The following CSMD1 variants were observed in gnomAD, a reference collection of about 807,000 sequenced individuals.
CSMD1 encodes CUB and Sushi multiple domains 1, also known as CUB and sushi domain-containing protein 1.
Under a neutral mutation model 417.5 loss-of-function variants are expected in CSMD1, and 213 were observed. The ratio of observed to expected loss-of-function variants is 0.51; its 90% CI spans 0.46 to 0.57. The LOEUF (loss-of-function observed/expected upper bound fraction) is 0.57, where lower values mean the gene tolerates loss of function less well. Among genes scored for constraint, CSMD1 ranks in the 20% least tolerant of loss-of-function variants. The pLI, the probability that CSMD1 is intolerant of heterozygous loss-of-function variation, is 0.00. For missense variants in CSMD1, 6,923 were observed against 4,529.7 expected (o/e 1.53, Z -15.17); for synonymous variants, 2,862 against 1,736.8 (o/e 1.65, Z -16.11).
rs183725039 is a variant in CSMD1, at chr8:3,900,992, T to C, written c.818+96911A>G. ...CCTGAAACTTTATGATTTTTCATTATTGCTAGCTGTCATAGTGTTATCATT... is the reference window on the plus strand; with the variant it reads ...CCTGAAACTTTATGATTTTTCATTACTGCTAGCTGTCATAGTGTTATCATT... On this transcript the variant is annotated intron_variant, in intron 5 of 69. Coordinates refer to ENST00000635120, the MANE Select transcript of CSMD1 (RefSeq NM_033225.6). Among the ~76,000 whole-genome samples the C allele has an allele frequency of 2.3e-4, 35 of 152,368 alleles. No individual in the cohort carries two copies. In the East Asian group the frequency reaches 6.4e-3, roughly 28 times the overall value.
chr8:3,900,766 C>G (rs1807693912), intron 5 of CSMD1, among the ~76,000 whole-genome samples: 1 of 151,692 alleles, frequency 6.6e-6, no homozygotes, highest in Middle Eastern at 3.4e-3. Context: ...GACAGTACAG[C>G]TGGGTGACAC....
At chr8:4,052,317 G>A (rs1000306186) in intron 3 of CSMD1, among the ~76,000 whole-genome samples, 2 of 152,200 alleles carry the variant, frequency 1.3e-5, no homozygotes. Flanking sequence ...CATTTAATGC[G>A]TAATTATCAT....
intron 3 of CSMD1, among the ~76,000 whole-genome samples, chr8:4,216,647 T>C (rs1800689299): frequency 2.0e-5 from 3 of 152,152 alleles, no homozygotes; most frequent in South Asian, 4.1e-4. Context: ...CCCTGTGTTC[T>C]TTCGTAAATG....
chr8:4,469,003 A>T (rs1462097799), intron 2 of CSMD1, among the ~76,000 whole-genome samples: 2 of 149,868 alleles, frequency 1.3e-5, no homozygotes, highest in Non-Finnish European at 2.9e-5. Flanking sequence ...CAGAGACTCT[A>T]AAAGGAAAAA....
At chr8:4,157,744 C>G (rs992135293) in intron 3 of CSMD1, among the ~76,000 whole-genome samples, 1 of 152,196 alleles carries the variant, frequency 6.6e-6, no homozygotes, top group African/African-American at 2.4e-5. Flanking sequence ...TCCTAGGAGT[C>G]AGGGCCAGGG....
intron 1 of CSMD1, among the ~76,000 whole-genome samples, chr8:4,695,866 C>A (rs933489040): frequency 6.6e-6 from 1 of 152,150 alleles, no homozygotes; most frequent in Non-Finnish European, 1.5e-5. Context: ...GGTGGCCCAC[C>A]ACTCTTTTGA....
chr8:3,848,292 T>C (rs1445712065), intron 5 of CSMD1, among the ~76,000 whole-genome samples: 1 of 152,200 alleles, frequency 6.6e-6, no homozygotes, highest in Non-Finnish European at 1.5e-5. Context: ...GAGCTCATTC[T>C]ACTGCGATCC....
chr8:4,450,115 C>G (rs1033635033), intron 2 of CSMD1, among the ~76,000 whole-genome samples: 3 of 152,172 alleles, frequency 2.0e-5, no homozygotes, highest in African/African-American at 7.2e-5. Flanking sequence ...TGTACACCAG[C>G]ACTTCTTTGT....
In CSMD1 at chr8:4,727,653, C is replaced by T. The variant is rs564061254; in HGVS notation, c.86-90095G>A. 3.1e-3 allele frequency among the ~76,000 whole-genome samples: 467 copies of T among 152,158 alleles called. 2 individuals are homozygous for T. Among genetic ancestry groups the T allele is most frequent in the African/African-American group, 0.011 (453 of 41,490 alleles). ...TGATCTGGTTCCCACTTGAAATCCACGGGGACCAGCTCTACTAGTCACCTG... is the reference window on the plus strand; with the variant it reads ...TGATCTGGTTCCCACTTGAAATCCATGGGGACCAGCTCTACTAGTCACCTG... On this transcript the variant is annotated intron_variant, in intron 1 of 69. Transcript: ENST00000635120.
intron 3 of CSMD1, among the ~76,000 whole-genome samples, chr8:4,191,257 A>G (rs543698002): frequency 9.1e-4 from 138 of 152,090 alleles, no homozygotes; most frequent in African/African-American, 2.7e-3. Context: ...TTAGCAGGGC[A>G]TGGTGGCAGG....
intron 26 of CSMD1, among the ~76,000 whole-genome samples, chr8:3,268,738 G>A (rs1301358943): frequency 2.0e-5 from 3 of 152,074 alleles, no homozygotes; most frequent in African/African-American, 4.8e-5. Context: ...GGGTACTGTT[G>A]TCTACCTCTG....
chr8:4,030,667 C>T (rs377634136), intron 4 of CSMD1, among the ~76,000 whole-genome samples: 1 of 152,186 alleles, frequency 6.6e-6, no homozygotes, highest in Admixed American at 6.5e-5. Context: ...TGGGGATTAA[C>T]TTTTGGCTTC....
At chr8:3,296,380 C>A (rs1458314448) in intron 25 of CSMD1, among the ~76,000 whole-genome samples, 1 of 152,022 alleles carries the variant, frequency 6.6e-6, no homozygotes, top group Non-Finnish European at 1.5e-5. Flanking sequence ...GAAGGAAGAG[C>A]TGAGAGCAGA....
chr8:4,693,478 G>C (rs897259920), intron 1 of CSMD1, among the ~76,000 whole-genome samples: 11 of 152,096 alleles, frequency 7.2e-5, no homozygotes, highest in African/African-American at 2.7e-4. Flanking sequence ...CTAACTATGT[G>C]GGGACATTAG....
rs191920817 is a variant in CSMD1, at chr8:4,171,716, G to C, written c.416-139617C>G. The stretch of plus-strand genomic sequence containing the variant: ...TTAATTTGCTTATTCTGATATTTAT[G>C]TGCCAAGCTTCTGAAATTTTCATCT... On this transcript the variant is annotated intron_variant, in intron 3 of 69. Coordinates refer to ENST00000635120, the MANE Select transcript of CSMD1 (RefSeq NM_033225.6). Among the ~76,000 whole-genome samples, 50 of 151,460 alleles carry C rather than the reference G, an allele frequency of 3.3e-4. 4 individuals are homozygous for C. Among genetic ancestry groups the C allele is most frequent in the African/African-American group, 1.1e-3 (44 of 41,188 alleles).
At chr8:3,338,033 G>T (rs1240202956) in intron 23 of CSMD1, among the ~76,000 whole-genome samples, 1 of 152,126 alleles carries the variant, frequency 6.6e-6, no homozygotes, top group Non-Finnish European at 1.5e-5. Context: ...TTTCCCAAGC[G>T]ATATCATTCA....
chr8:3,272,820 G>C (rs1193610721), intron 26 of CSMD1, among the ~76,000 whole-genome samples: 1 of 150,476 alleles, frequency 6.6e-6, no homozygotes, highest in Non-Finnish European at 1.5e-5. Context: ...ATCAGCTTAA[G>C]GAGATTTTGG....
chr8:4,807,309 C>G (rs1353909489), intron 1 of CSMD1, among the ~76,000 whole-genome samples: 2 of 152,158 alleles, frequency 1.3e-5, no homozygotes, highest in African/African-American at 2.4e-5. Flanking sequence ...CAGGCCTCGG[C>G]TAATTTCCAA....
At chr8:4,584,031 G>A (rs1434265302) in intron 2 of CSMD1, among the ~76,000 whole-genome samples, 3 of 151,792 alleles carry the variant, frequency 2.0e-5, no homozygotes, top group Admixed American at 6.6e-5. Context: ...GCCGCCTTAA[G>A]AGCTATAACA....
Sources: allele counts gnomAD v4.1 joint callset (sites outside exome capture counted in the v4.1 genomes callset), GRCh38; gene constraint gnomAD v4.1.1; transcripts MANE v1.5; gene names NCBI Gene and HGNC (gene_info 2026-07-23, HGNC 2026-07-21).